Variants in SMARCA1 observed in about 807,000 individuals in gnomAD.
SMARCA1 encodes the protein SNF2 related chromatin remodeling ATPase 1.
SMARCA1 carries 17 observed loss-of-function variants against 93.6 expected under a neutral mutation model. That is an observed-to-expected ratio of 0.18 (90% CI 0.12 to 0.27). The LOEUF is 0.27. SMARCA1 is among the 10% of genes least tolerant of loss of function. SMARCA1 has a pLI of 1.00. For missense variants in SMARCA1, 630 were observed against 819.0 expected (o/e 0.77, Z 2.82); for synonymous variants, 271 against 271.4 (o/e 1.00, Z 0.01).
At chrX:129,516,687 G>A (rs892250572) in intron 2 of SMARCA1, among the ~76,000 whole-genome samples, 190 bp from the exon 3 acceptor site, 1 of 111,565 alleles carries the variant, frequency 9.0e-6, no homozygotes, top group African/African-American at 3.3e-5. Flanking sequence ...CACAGAGAGG[G>A]TAAGTAATTT....
At chrX:129,460,611 A>T (rs1451680227) in intron 23 of SMARCA1, among the ~76,000 whole-genome samples, 1 of 111,794 alleles carries the variant, frequency 8.9e-6, no homozygotes, top group East Asian at 2.8e-4. Context: ...AGAAAAAAAA[A>T]ATTAGCTGTT....
intron 9 of SMARCA1, among the ~76,000 whole-genome samples, chrX:129,501,522 C>G (rs1187639337): frequency 2.8e-5 from 3 of 108,945 alleles, no homozygotes; most frequent in Non-Finnish European, 5.7e-5. Context: ...TCTCGAACTC[C>G]TGAGCTCAGG....
chrX:129,455,587 C>T (rs918637575), intron 23 of SMARCA1, among the ~76,000 whole-genome samples: 2 of 109,812 alleles, frequency 1.8e-5, no homozygotes. Context: ...CACATGTATC[C>T]CAGAACTTAA....
intron 7 of SMARCA1, among the ~76,000 whole-genome samples, chrX:129,506,693 A>T (rs1289788594): frequency 3.1e-5 from 3 of 98,327 alleles, no homozygotes. Flanking sequence ...CCGTCTCAAA[A>T]AAAAAAAAAA....
intron 1 of SMARCA1, 141 bp downstream of exon 1, chrX:129,523,056 G>GCCGCCGACCCCCGCAC: frequency 1.5e-6 from 1 of 659,855 alleles, no homozygotes; most frequent in Non-Finnish European, 2.2e-6. Context: ...AGGCGGTTCC[G>GCCGCCGACCCCCGCAC]CCGCCGACCC....
intron 1 of SMARCA1, among the ~76,000 whole-genome samples, chrX:129,522,843 G>A (rs2124363441): frequency 9.0e-6 from 1 of 111,444 alleles, no homozygotes; most frequent in South Asian, 3.7e-4. Context: ...GAGAGGCGGA[G>A]GCTTTTTCCT....
rs754918028 is a variant in SMARCA1, at chrX:129,480,762, G to A, written c.2381C>T (p.Pro794Leu). Residue 794 changes from proline to leucine, a missense_variant, in exon 19 of 25, where the codon CCA (proline) becomes CTA (leucine). By Grantham distance (98) the Pro-to-Leu change is moderately conservative (BLOSUM62 -3). Around this residue, in one of 4 missense-constraint regions of SMARCA1, gnomAD observed 382 missense variants for 537.9 expected, o/e 0.71. Coordinates refer to ENST00000371121, the MANE Select transcript of SMARCA1 (RefSeq NM_001282874.2). Reference sequence around the variant, plus strand: ...CTTTTCCAGGAGCTCAAATAAGCGTGGTGGGAAAAATTGAAAATCCTGAAC... The same window carrying A: ...CTTTTCCAGGAGCTCAAATAAGCGTAGTGGGAAAAATTGAAAATCCTGAAC... ...PNVQDFQFFP[P>L]RLFELLEKEI... is the part of the protein sequence containing the mutation. 2 of 1,152,894 alleles carry A rather than the reference G, an allele frequency of 1.7e-6. No homozygotes were observed. The highest frequency in any genetic ancestry group is 2.3e-6 in the Non-Finnish European group (2 of 872,791).
At chrX:129,497,690 C>A (rs1473383021) in intron 11 of SMARCA1, among the ~76,000 whole-genome samples, 155 bp downstream of exon 11, 1 of 112,468 alleles carries the variant, frequency 8.9e-6, no homozygotes, top group African/African-American at 3.2e-5. Flanking sequence ...TCTTATTCAT[C>A]TTTGTACACC....
Position 129,452,951 on chromosome X carries a change from A to G in SMARCA1, c.3031-4508T>C, listed in dbSNP as rs923855599. 1.8e-5 allele frequency among the ~76,000 whole-genome samples: 2 copies of G among 111,745 alleles called. 1 individual carries two copies. Among genetic ancestry groups the G allele is most frequent in the Non-Finnish European group, 3.8e-5 (2 of 53,199 alleles). On this transcript the variant is annotated intron_variant, in intron 23 of 24. Coordinates refer to ENST00000371121, the MANE Select transcript of SMARCA1 (RefSeq NM_001282874.2). ...CAATATTTCAAAGATCATTATTATT[A>G]TATCTGTTACGGTGACCTGTGGTCA...
chrX:129,457,737 T>C (rs1176985446), intron 23 of SMARCA1, among the ~76,000 whole-genome samples: 1 of 112,093 alleles, frequency 8.9e-6, no homozygotes, highest in Non-Finnish European at 1.9e-5. Context: ...AAGCTACAAT[T>C]TGCTACCTCA....
At chrX:129,468,429 T>C (rs186370858) in intron 21 of SMARCA1, among the ~76,000 whole-genome samples, 1 of 111,797 alleles carries the variant, frequency 8.9e-6, no homozygotes, top group Admixed American at 9.5e-5. Context: ...ACGAATTCAA[T>C]CCACTGAATG....
Position 129,516,407 on chromosome X carries a change from T to C in SMARCA1, c.352A>G (p.Thr118Ala), listed in dbSNP as rs776220682. 1.7e-6 allele frequency: 2 copies of C among 1,208,591 alleles called. No homozygotes were observed. Among genetic ancestry groups the C allele is most frequent in the South Asian group, 1.8e-5 (1 of 56,844 alleles). The change falls in exon 3 of 25, where the codon ACA becomes GCA. Residue 118 changes from threonine (T) to alanine (A), a missense_variant. This residue lies in a region of SMARCA1 where 382 missense variants were observed against 537.9 expected (regional missense o/e 0.71). Coordinates refer to ENST00000371121, the MANE Select transcript of SMARCA1 (RefSeq NM_001282874.2). ...FIQPSAQKSP[T>A]SPLNMKLGRP... is the part of the protein sequence containing the mutation. ...CCCAATTTCATGTTCAGTGGAGATG[T>C]TGGAGATTTCTGTGCTGAAGGCTGA...
intron 13 of SMARCA1, 83 bp from the exon 14 acceptor site, chrX:129,492,176 A>G: frequency 1.8e-6 from 1 of 544,356 alleles, no homozygotes; most frequent in Non-Finnish European, 3.1e-6. Context: ...ACAAATAAAA[A>G]CATTTAAAAT....
At chrX:129,468,926 A>G in intron 20 of SMARCA1, 21 bp from the exon 21 acceptor site, 1 of 1,123,832 alleles carries the variant, frequency 8.9e-7, no homozygotes, top group South Asian at 2.0e-5. Context: ...AAAGTTAAGC[A>G]TTATCAATAG....
At chrX:129,523,050 G>A in intron 1 of SMARCA1, 147 bp downstream of exon 1, 2 of 617,938 alleles carry the variant, frequency 3.2e-6, no homozygotes, top group Non-Finnish European at 4.9e-6. Context: ...AACGCCAGGC[G>A]GTTCCGCCGC....
At chrX:129,504,572 A>AC (rs1934728122) in intron 9 of SMARCA1, among the ~76,000 whole-genome samples, 162 bp downstream of exon 9, 5 of 101,642 alleles carry the variant, frequency 4.9e-5, no homozygotes, top group South Asian at 4.3e-4. Flanking sequence ...AAAAAAAAAA[A>AC]AAAAAAAAAC....
rs35620990 is a variant in SMARCA1, at chrX:129,488,610, TAAAAA to T, written c.2097+322_2097+326del. On this transcript the variant is annotated intron_variant, in intron 16 of 24. Coordinates refer to ENST00000371121, the MANE Select transcript of SMARCA1 (RefSeq NM_001282874.2). ...GTGACAGAGCAAAACCCTGTCTCTT[TAAAAA>T]AAAAAAAAAAAAAAAAAAGCATTCC... 4.3e-3 allele frequency among the ~76,000 whole-genome samples: 280 copies of T among 64,934 alleles called. 1 individual carries two copies. Among genetic ancestry groups the T allele is most frequent in the African/African-American group, 0.016 (264 of 16,631 alleles). 56.4% of individuals were successfully genotyped at this position (64,934 alleles called of 115,157 possible). A position where few individuals can be genotyped will look rare whatever the true frequency, so the allele number is the denominator to read the frequency against.
intron 23 of SMARCA1, among the ~76,000 whole-genome samples, chrX:129,456,380 T>C (rs1932623027): frequency 9.0e-6 from 1 of 111,712 alleles, no homozygotes. Context: ...GATATTGAGG[T>C]TTTTCATGCC....
chrX:129,497,745 G>C, intron 11 of SMARCA1, 100 bp downstream of exon 11: 1 of 528,810 alleles, frequency 1.9e-6, no homozygotes, highest in Non-Finnish European at 3.2e-6. Context: ...ACTCAACAAT[G>C]TCTGCTGAAT....
Sources: gnomAD v4.1 joint callset for allele counts (sites outside exome capture counted in the v4.1 genomes callset) on GRCh38, gnomAD v4.1.1 for gene constraint, gnomAD v4.1.1 regional missense constraint, MANE v1.5 for transcripts, NCBI Gene and HGNC (gene_info 2026-07-23, HGNC 2026-07-21) for gene names.